Variants in RSPO3 observed in about 807,000 individuals in gnomAD.
RSPO3 encodes the protein R-spondin 3, also known as R-spondin-3.
A neutral mutation model predicts 36.5 loss-of-function variants in RSPO3; 17 were observed. The ratio of observed to expected loss-of-function variants is 0.47; its 90% CI spans 0.32 to 0.70. The LOEUF (loss-of-function observed/expected upper bound fraction) is 0.70. RSPO3 is among the 30% of genes least tolerant of loss of function. RSPO3 has a pLI of 0.04. For synonymous variants in RSPO3, 108 were observed against 107.0 expected (o/e 1.01, Z -0.06); for missense variants, 294 against 322.5 (o/e 0.91, Z 0.68).
chr6:127,121,720 C>T (rs1261793033), intron 1 of RSPO3, among the ~76,000 whole-genome samples: 3 of 152,266 alleles, frequency 2.0e-5, no homozygotes, highest in South Asian at 4.1e-4. Flanking sequence ...TCAGATATAC[C>T]GTTTGTTTTG....
chr6:127,156,298 G>C (rs1301091034), intron 4 of RSPO3, among the ~76,000 whole-genome samples: 2 of 151,988 alleles, frequency 1.3e-5, no homozygotes, highest in Non-Finnish European at 2.9e-5. Flanking sequence ...ATTAGAATTT[G>C]CTGTGAAATC....
intron 1 of RSPO3, among the ~76,000 whole-genome samples, chr6:127,129,749 G>C (rs1042552386): frequency 6.6e-6 from 1 of 152,014 alleles, no homozygotes; most frequent in Admixed American, 6.6e-5. Flanking sequence ...CACCTTGTTT[G>C]CCTGTGTGAA....
intron 4 of RSPO3, among the ~76,000 whole-genome samples, chr6:127,175,882 T>G (rs986285653): frequency 1.3e-5 from 2 of 151,774 alleles, no homozygotes; most frequent in African/African-American, 2.4e-5. Context: ...ACACATTATA[T>G]TGAATAAGGG....
chr6:127,139,126 T>G (rs566565952), intron 1 of RSPO3, among the ~76,000 whole-genome samples: 10 of 152,252 alleles, frequency 6.6e-5, no homozygotes, highest in Non-Finnish European at 1.5e-4. Flanking sequence ...CAAAGGTGCA[T>G]GTATATTCTT....
intron 4 of RSPO3, among the ~76,000 whole-genome samples, chr6:127,187,099 C>T (rs887303470): frequency 2.0e-5 from 3 of 152,016 alleles, no homozygotes; most frequent in Non-Finnish European, 2.9e-5. Flanking sequence ...CAGCAGGGGG[C>T]GCCAGCGGGC....
At chr6:127,126,032 A>C (rs956494684) in intron 1 of RSPO3, among the ~76,000 whole-genome samples, 1 of 152,170 alleles carries the variant, frequency 6.6e-6, no homozygotes, top group African/African-American at 2.4e-5. Flanking sequence ...CTTGGCAATT[A>C]ATTGCATATG....
chr6:127,195,848 A>G lies in RSPO3; in HGVS notation c.660A>G (p.Arg220=). The G allele has an allele frequency of 6.4e-7, 1 of 1,571,616 alleles. No homozygotes were observed. The highest frequency in any genetic ancestry group is 8.6e-7 in the Non-Finnish European group (1 of 1,159,764). The change falls in exon 5 of 5, where the codon AGA becomes AGG. Residue 220 remains arginine, a synonymous_variant. Coordinates refer to ENST00000356698, the MANE Select transcript of RSPO3 (RefSeq NM_032784.5). ...GAAAAAAAGGAAGGGAGAGGAAAAG[A>G]AAAAAACCTAATAAAGGAGAAAGTA... ...ERGKKGRERK[R]KKPNKGESKE...
chr6:127,147,606 G>C (rs763540600), intron 1 of RSPO3, among the ~76,000 whole-genome samples: 1 of 152,148 alleles, frequency 6.6e-6, no homozygotes, highest in South Asian at 2.1e-4. Context: ...AGCTCATGCA[G>C]AGGTGATGAT....
At chr6:127,194,583 C>T (rs1379308678) in intron 4 of RSPO3, among the ~76,000 whole-genome samples, 1 of 152,084 alleles carries the variant, frequency 6.6e-6, no homozygotes, top group East Asian at 1.9e-4. Flanking sequence ...TAAAAATAAT[C>T]ATCCAATTTG....
intron 4 of RSPO3, among the ~76,000 whole-genome samples, chr6:127,173,874 T>C (rs1774992314): frequency 6.6e-6 from 1 of 151,912 alleles, no homozygotes. Context: ...GAATTTCTCC[T>C]AGAATATTGT....
chr6:127,137,152 G>T (rs1254104914), intron 1 of RSPO3, among the ~76,000 whole-genome samples: 1 of 152,188 alleles, frequency 6.6e-6, no homozygotes, highest in African/African-American at 2.4e-5. Context: ...AGCACTTTGG[G>T]AGGCTGAGGC....
At chr6:127,141,829 G>A (rs371450970) in intron 1 of RSPO3, among the ~76,000 whole-genome samples, 1 of 152,126 alleles carries the variant, frequency 6.6e-6, no homozygotes. Context: ...AGGTGTGTGT[G>A]TGCATGCATG....
At chr6:127,184,636 A>C (rs965296378) in intron 4 of RSPO3, among the ~76,000 whole-genome samples, 6 of 152,052 alleles carry the variant, frequency 3.9e-5, no homozygotes, top group African/African-American at 1.4e-4. Context: ...GGACATTCTG[A>C]AAGTTTGTGA....
At chr6:127,119,466 C>G (rs1773790963) in intron 1 of RSPO3, among the ~76,000 whole-genome samples, 177 bp downstream of exon 1, 1 of 152,198 alleles carries the variant, frequency 6.6e-6, no homozygotes, top group South Asian at 2.1e-4. Context: ...TGCCTCTCGG[C>G]GCCCCTGCCT....
intron 4 of RSPO3, among the ~76,000 whole-genome samples, chr6:127,170,536 G>T (rs894947974): frequency 6.6e-6 from 1 of 151,436 alleles, no homozygotes; most frequent in Admixed American, 6.6e-5. Context: ...ATACCCAAAT[G>T]AATTGAAAAT....
At position 127,197,284 on chromosome 6, in the gene RSPO3, G is replaced by T; in HGVS notation, c.*1277G>T. ...TATTTTAATCAACATTCTAATTATA[G>T]ACACATGGGCCTCCCTAGCTGATTT... is the stretch of plus-strand genomic sequence containing the variant. On this transcript the variant is annotated 3_prime_UTR_variant, in exon 5 of 5. Coordinates refer to ENST00000356698, the MANE Select transcript of RSPO3 (RefSeq NM_032784.5). 1 of 971,050 alleles carries T rather than the reference G, an allele frequency of 1.0e-6. No individual in the cohort carries two copies. The highest frequency in any genetic ancestry group is 1.5e-6 in the Non-Finnish European group (1 of 672,420). The allele number at this position is 971,050 out of a possible 1,614,324, so 60.2% of individuals were successfully genotyped here.
intron 4 of RSPO3, among the ~76,000 whole-genome samples, chr6:127,174,857 G>A (rs1775017866): frequency 6.6e-6 from 1 of 151,744 alleles, no homozygotes; most frequent in South Asian, 2.1e-4. Flanking sequence ...TCTTAGGGCA[G>A]TTCAAAGGGA....
At chr6:127,158,485 G>A (rs545932530) in intron 4 of RSPO3, among the ~76,000 whole-genome samples, 49 of 152,246 alleles carry the variant, frequency 3.2e-4, no homozygotes, top group African/African-American at 1.2e-3. Flanking sequence ...GGGAGCATGT[G>A]TTCAGGATTT....
At chr6:127,166,113 C>A (rs1026065212) in intron 4 of RSPO3, among the ~76,000 whole-genome samples, 5 of 151,860 alleles carry the variant, frequency 3.3e-5, no homozygotes, top group African/African-American at 1.2e-4. Flanking sequence ...ACTTTTCTTT[C>A]TGTGTCTACA....
Sources: gnomAD v4.1 joint callset for allele counts (sites outside exome capture counted in the v4.1 genomes callset) on GRCh38, gnomAD v4.1.1 for gene constraint, MANE v1.5 for transcripts, NCBI Gene and HGNC (gene_info 2026-07-23, HGNC 2026-07-21) for gene names.